KAT6A: variants seen among roughly 807,000 people sequenced by gnomAD.
The protein encoded by KAT6A is lysine acetyltransferase 6A, also known as histone acetyltransferase KAT6A.
A neutral mutation model predicts 198.4 loss-of-function variants in KAT6A; 9 were observed. That is an observed-to-expected ratio of 0.05 (90% confidence interval 0.03 to 0.08). KAT6A has a LOEUF of 0.08. KAT6A is among the 10% of genes least tolerant of loss of function. KAT6A has a pLI of 1.00. For missense variants in KAT6A, 2,077 were observed against 2,509.9 expected (o/e 0.83, Z 3.69); for synonymous variants, 890 against 883.0 (o/e 1.01, Z -0.14).
chr8:42,051,401 G>A (rs1564091875), intron 1 of KAT6A, among the ~76,000 whole-genome samples: 1 of 151,308 alleles, frequency 6.6e-6, no homozygotes, highest in African/African-American at 2.4e-5. Flanking sequence ...AGCCGGAGCC[G>A]GAACCCGAGC....
intron 2 of KAT6A, among the ~76,000 whole-genome samples, chr8:42,013,171 A>T (rs1826101247): frequency 6.6e-6 from 1 of 151,918 alleles, no homozygotes; most frequent in Admixed American, 6.5e-5. Flanking sequence ...AAAAGTAGAC[A>T]CAGAAAAGAA....
At chr8:42,031,183 T>G (rs1398069516) in intron 2 of KAT6A, among the ~76,000 whole-genome samples, 1 of 152,164 alleles carries the variant, frequency 6.6e-6, no homozygotes, top group Non-Finnish European at 1.5e-5. Flanking sequence ...CTTAGAATAA[T>G]ACTTTTCACA....
chr8:42,018,994 G>T (rs565628261), intron 2 of KAT6A, among the ~76,000 whole-genome samples: 2 of 152,180 alleles, frequency 1.3e-5, no homozygotes, highest in South Asian at 4.1e-4. Flanking sequence ...AACTGAAACG[G>T]ATGAATTTAA....
At chr8:41,957,427 T>A in intron 8 of KAT6A, 1 of 378,188 alleles carries the variant, frequency 2.6e-6, no homozygotes, top group East Asian at 6.1e-5. Context: ...AAAATCAAAC[T>A]GTCATATCTG....
Position 41,941,090 on chromosome 8 carries a change from C to T in KAT6A, c.2791G>A (p.Gly931Arg), listed in dbSNP as rs779101695. 26 of 1,614,076 alleles carry T rather than the reference C, an allele frequency of 1.6e-5. No homozygotes were observed. Among genetic ancestry groups the T allele is most frequent in the African/African-American group, 2.7e-5 (2 of 74,938 alleles). The change falls in exon 15 of 17, where the codon GGG becomes AGG. Residue 931 changes from glycine to arginine, a missense_variant. By Grantham distance (125) the Gly-to-Arg change is moderately radical (BLOSUM62 -2). This residue lies in a region of KAT6A where 301 missense variants were observed against 272.2 expected (regional missense o/e 1.11). Coordinates refer to ENST00000265713, the MANE Select transcript of KAT6A (RefSeq NM_006766.5). ...VASEEQPSQD[G>R]KPDLPKRRLS... ...CTTCTCTTGGGAAGGTCAGGTTTCCCGTCCTGGCTTGGCTGCTCCTCAGAA... is the reference window on the plus strand; with the variant it reads ...CTTCTCTTGGGAAGGTCAGGTTTCCTGTCCTGGCTTGGCTGCTCCTCAGAA...
At position 41,946,624 on chromosome 8, in the gene KAT6A, G is replaced by A; in HGVS notation, c.1963C>T (p.Arg655Cys). The A allele has an allele frequency of 1.9e-6, 3 of 1,603,606 alleles. No individual in the cohort carries two copies. The highest frequency in any genetic ancestry group is 1.7e-6 in the Non-Finnish European group (2 of 1,171,198). The change falls in exon 12 of 17, where the codon CGT (arginine) becomes TGT (cysteine). Residue 655 changes from arginine to cysteine, a missense_variant. By Grantham distance (180) the Arg-to-Cys change is radical. This residue lies in a region of KAT6A where 127 missense variants were observed against 209.6 expected (regional missense o/e 0.61). Transcript: ENST00000265713. The part of the protein sequence containing the change: ...SCIMILPQYQ[R>C]KGYGRFLIDF... ...ATGAGAAACCTGCCATAGCCCTTAC[G>A]CTGGTATTGAGGAAGAATCATTATA...
chr8:41,930,354 T>C lies in KAT6A; in HGVS notation c.*1851A>G. The C allele has an allele frequency of 4.5e-6, 1 of 221,446 alleles. No homozygotes were observed. Among genetic ancestry groups the C allele is most frequent in the East Asian group, 6.5e-5 (1 of 15,464 alleles). The allele number at this position is 221,446 out of a possible 1,614,324, so 13.7% of individuals were successfully genotyped here. On this transcript the variant is annotated 3_prime_UTR_variant, in exon 17 of 17. Transcript: ENST00000265713. ...CATAGATGACTGGGAACTGGAATAG[T>C]ATATACAGAGAAACTGGGTCCTACA...
At chr8:42,047,028 AATAAT>A (rs1802346968) in intron 2 of KAT6A, among the ~76,000 whole-genome samples, 2 of 152,344 alleles carry the variant, frequency 1.3e-5, no homozygotes, top group Non-Finnish European at 2.9e-5. Context: ...GTGGGCTGCT[AATAAT>A]ACAACAAATT....
Position 42,048,616 on chromosome 8 carries a change from A to C in KAT6A, c.362T>G (p.Ile121Ser). ...AESGGSTLKS[I>S]ERFLKGQKDV... is the part of the protein sequence containing the mutation. ...CTTCTGACCTTTCAAAAAACGTTCA[A>C]TGCTTTTCAAAGTTGAGCCACCAGA... The change falls in exon 2 of 17, where the codon ATT becomes AGT. Residue 121 changes from isoleucine (I) to serine (S), a missense_variant. Ile to Ser is a moderately radical substitution (Grantham distance 142). This residue lies in a region of KAT6A where 185 missense variants were observed against 185.7 expected (regional missense o/e 1.00). Transcript: ENST00000265713. The C allele has an allele frequency of 1.2e-6, 2 of 1,614,174 alleles. No homozygotes were observed. Among genetic ancestry groups the C allele is most frequent in the Non-Finnish European group, 1.7e-6 (2 of 1,180,024 alleles).
chr8:42,040,447 T>C (rs1827599733), intron 2 of KAT6A, among the ~76,000 whole-genome samples: 2 of 151,906 alleles, frequency 1.3e-5, no homozygotes, highest in South Asian at 4.1e-4. Flanking sequence ...ATAAGAAAAA[T>C]TGGTGGCTGG....
Position 41,981,912 on chromosome 8 carries a change from C to T in KAT6A, c.752G>A (p.Arg251Gln), listed in dbSNP as rs1824373842. Residue 251 changes from arginine (R) to glutamine (Q), a missense_variant, in exon 4 of 17, where the codon CGA becomes CAA. Around this residue, in one of 13 missense-constraint regions of KAT6A, gnomAD observed 89 missense variants for 154.4 expected, o/e 0.58. Coordinates refer to ENST00000265713, the MANE Select transcript of KAT6A (RefSeq NM_006766.5). ...CLKFSPELTV[R>Q]VKALRWQCIE... Reference sequence around the variant, plus strand: ...GCACTGCCACCGTAAGGCCTTCACTCGAACCGTTAGTTCAGGGGAAAACTT... The same window carrying T: ...GCACTGCCACCGTAAGGCCTTCACTTGAACCGTTAGTTCAGGGGAAAACTT... 5 of 1,613,952 alleles carry T rather than the reference C, an allele frequency of 3.1e-6. No individual in the cohort carries two copies. The highest frequency in any genetic ancestry group is 1.7e-4 in the Middle Eastern group (1 of 6,060).
At chr8:41,986,330 T>C (rs1824599708) in intron 3 of KAT6A, among the ~76,000 whole-genome samples, 1 of 152,194 alleles carries the variant, frequency 6.6e-6, no homozygotes, top group Non-Finnish European at 1.5e-5. Context: ...GCCTAGAATT[T>C]CACATTGCTC....
At chr8:41,992,317 A>C (rs1379016552) in intron 2 of KAT6A, among the ~76,000 whole-genome samples, 2 of 152,246 alleles carry the variant, frequency 1.3e-5, no homozygotes, top group East Asian at 3.8e-4. Context: ...CAGGACCAAC[A>C]AACTGCCATG....
chr8:41,949,428 A>T, intron 9 of KAT6A, 65 bp from the exon 10 acceptor site: 3 of 1,249,306 alleles, frequency 2.4e-6, no homozygotes, highest in Non-Finnish European at 3.1e-6. Context: ...AACTTCCACA[A>T]TTATCATCTT....
At chr8:41,971,428 G>C (rs532283974) in intron 8 of KAT6A, among the ~76,000 whole-genome samples, 2 of 151,972 alleles carry the variant, frequency 1.3e-5, no homozygotes, top group Admixed American at 6.6e-5. Context: ...CTAAATCATC[G>C]ACTCTAGAGG....
intron 2 of KAT6A, among the ~76,000 whole-genome samples, chr8:42,041,440 G>A (rs1827661841): frequency 6.6e-6 from 1 of 152,024 alleles, no homozygotes; most frequent in South Asian, 2.1e-4. Flanking sequence ...AATGATGTCA[G>A]AAATGTACGG....
At chr8:42,013,814 G>C (rs1826133486) in intron 2 of KAT6A, among the ~76,000 whole-genome samples, 1 of 152,182 alleles carries the variant, frequency 6.6e-6, no homozygotes, top group South Asian at 2.1e-4. Context: ...TAGGAGGCAA[G>C]AACAATGACT....
intron 2 of KAT6A, among the ~76,000 whole-genome samples, chr8:42,046,373 T>C (rs1802295259): frequency 6.6e-6 from 1 of 151,812 alleles, no homozygotes; most frequent in South Asian, 2.1e-4. Flanking sequence ...CCGTCTCTAC[T>C]AAAAATACAA....
chr8:41,960,392 AC>A (rs1823146440), intron 8 of KAT6A, among the ~76,000 whole-genome samples: 1 of 150,662 alleles, frequency 6.6e-6, no homozygotes, highest in African/African-American at 2.4e-5. Context: ...GCAAGGTGAA[AC>A]CCCGTCTCTA....
Sources: gnomAD v4.1 joint callset for allele counts (sites outside exome capture counted in the v4.1 genomes callset) on GRCh38, gnomAD v4.1.1 for gene constraint, gnomAD v4.1.1 regional missense constraint, MANE v1.5 for transcripts, NCBI Gene and HGNC (gene_info 2026-07-23, HGNC 2026-07-21) for gene names.